The following LRGUK variants were observed in gnomAD, a reference collection of about 807,000 sequenced individuals.
LRGUK encodes the protein leucine rich repeats and guanylate kinase domain containing.
Under a neutral mutation model 76.0 loss-of-function variants are expected in LRGUK, and 65 were observed. The observed-to-expected ratio is 0.85, with a 90% CI of 0.70 to 1.05. The LOEUF (loss-of-function observed/expected upper bound fraction) is 1.05, where lower values mean the gene tolerates loss of function less well. Among genes scored for constraint, LRGUK ranks in the 50% least tolerant of loss-of-function variants. The pLI is 0.00. For synonymous variants in LRGUK, 268 were observed against 265.6 expected (o/e 1.01, Z -0.09); for missense variants, 758 against 732.8 (o/e 1.03, Z -0.40).
At chr7:134,204,098 G>A (rs1800902813) in intron 15 of LRGUK, among the ~76,000 whole-genome samples, 1 of 151,648 alleles carries the variant, frequency 6.6e-6, no homozygotes, top group African/African-American at 2.4e-5. Context: ...CCCTGAGCCT[G>A]ACCAGCTCTG....
At chr7:134,193,405 G>A (rs1321707215) in intron 12 of LRGUK, among the ~76,000 whole-genome samples, 1 of 151,962 alleles carries the variant, frequency 6.6e-6, no homozygotes, top group Non-Finnish European at 1.5e-5. Flanking sequence ...TTTTTCTCAC[G>A]TCAGTTCATC....
chr7:134,186,932 C>G (rs1800001094), intron 11 of LRGUK, among the ~76,000 whole-genome samples: 1 of 152,166 alleles, frequency 6.6e-6, no homozygotes, highest in Non-Finnish European at 1.5e-5. Flanking sequence ...TAACTGCCCC[C>G]CTCCCAACTA....
chr7:134,247,690 T>A (rs1802341930), intron 17 of LRGUK, 46 bp downstream of exon 17: 6 of 1,359,130 alleles, frequency 4.4e-6, no homozygotes, highest in Non-Finnish European at 6.3e-6. Context: ...TTCCTAGTGT[T>A]CAAATAGATC....
chr7:134,172,798 A>G (rs1799312284), intron 7 of LRGUK, among the ~76,000 whole-genome samples: 1 of 152,058 alleles, frequency 6.6e-6, no homozygotes, highest in Admixed American at 6.6e-5. Flanking sequence ...CCTGAGCAAC[A>G]TGGCAAAACC....
At chr7:134,253,350 T>C (rs920593002) in intron 18 of LRGUK, among the ~76,000 whole-genome samples, 3 of 152,300 alleles carry the variant, frequency 2.0e-5, no homozygotes, top group African/African-American at 7.2e-5. Flanking sequence ...TTTTATTAGC[T>C]GTTGTTAATG....
At chr7:134,179,465 C>T (rs1433243101) in intron 10 of LRGUK, among the ~76,000 whole-genome samples, 1 of 151,942 alleles carries the variant, frequency 6.6e-6, no homozygotes, top group African/African-American at 2.4e-5. Context: ...TATTTTGCAA[C>T]CCAGGACATG....
intron 16 of LRGUK, among the ~76,000 whole-genome samples, chr7:134,237,293 C>T (rs753357698): frequency 7.2e-5 from 11 of 152,036 alleles, no homozygotes; most frequent in South Asian, 2.1e-4. Context: ...GACCTTGCGA[C>T]GCGCCTGCCT....
intron 15 of LRGUK, among the ~76,000 whole-genome samples, chr7:134,203,706 G>A (rs1800883100): frequency 6.6e-6 from 1 of 152,194 alleles, no homozygotes; most frequent in African/African-American, 2.4e-5. Flanking sequence ...AGTCTACAAA[G>A]TGGGGATTGG....
chr7:134,251,109 C>A (rs903033431), intron 18 of LRGUK, among the ~76,000 whole-genome samples: 11 of 152,084 alleles, frequency 7.2e-5, no homozygotes, highest in African/African-American at 2.7e-4. Flanking sequence ...GTCCCCCATT[C>A]CCCCAATTTC....
At position 134,210,042 on chromosome 7, in the gene LRGUK, C is replaced by T. The variant is rs1313954378; in HGVS notation, c.3179C>T (p.Ser1060Leu). ...AGGAAGATTCCAGACATGCGGGCCT[C>T]ACCCCACAACCAGGGGCCACTTCAG... The change falls in exon 16 of 16, where the codon TCA becomes TTA. Residue 1060 changes from serine (S) to leucine (L), a missense_variant. Transcript: ENST00000645682. 15 of 399,716 alleles carry T rather than the reference C, an allele frequency of 3.8e-5. No homozygotes were observed. In the Middle Eastern group the frequency reaches 2.5e-3, roughly 66 times the overall value. The allele number at this position is 399,716 out of a possible 1,614,324, so 24.8% of individuals were successfully genotyped here. A position where few individuals can be genotyped will look rare whatever the true frequency, so the allele number is the denominator to read the frequency against.
intron 4 of LRGUK, among the ~76,000 whole-genome samples, chr7:134,145,595 C>A (rs1188125340): frequency 6.6e-6 from 1 of 152,162 alleles, no homozygotes; most frequent in Non-Finnish European, 1.5e-5. Context: ...AGCTGTGGGG[C>A]TGTCCTGATA....
At chr7:134,180,290 G>GTCCA (rs3030440) in intron 10 of LRGUK, among the ~76,000 whole-genome samples, 5 of 149,786 alleles carry the variant, frequency 3.3e-5, no homozygotes, top group African/African-American at 9.9e-5. Context: ...CAATTCCTCT[G>GTCCA]TCCATCCATC....
At chr7:134,221,409 A>G (rs886681095) in intron 15 of LRGUK, among the ~76,000 whole-genome samples, 14 of 152,180 alleles carry the variant, frequency 9.2e-5, no homozygotes, top group Non-Finnish European at 2.1e-4. Flanking sequence ...AGCATTGCAT[A>G]GTTTATTTTC....
downstream of LRGUK, among the ~76,000 whole-genome samples, chr7:134,269,220 C>G (rs183399411): frequency 6.6e-6 from 1 of 151,964 alleles, no homozygotes; most frequent in African/African-American, 2.4e-5. Flanking sequence ...TGTAGATCCA[C>G]GGATTATTTA....
the LRGUK span, among the ~76,000 whole-genome samples, chr7:134,274,956 G>T: frequency 6.6e-6 from 1 of 151,944 alleles, no homozygotes; most frequent in South Asian, 2.1e-4. Context: ...ACTAAGTTCA[G>T]TCCTATTTCT....
intron 1 of LRGUK, among the ~76,000 whole-genome samples, chr7:134,129,084 TCCTTCCTTCCTC>T (rs1043233001): frequency 2.0e-5 from 3 of 147,058 alleles, no homozygotes; most frequent in Admixed American, 6.7e-5. Context: ...TCTTTCTCCT[TCCTTCCTTCCTC>T]CCTTCCTTCC....
chr7:134,247,980 T>A (rs1335132650), intron 17 of LRGUK, among the ~76,000 whole-genome samples: 1 of 152,240 alleles, frequency 6.6e-6, no homozygotes, highest in Non-Finnish European at 1.5e-5. Context: ...CGGTTCTTTT[T>A]ATTGTTTGTA....
chr7:134,250,909 G>A (rs911622448), intron 18 of LRGUK, among the ~76,000 whole-genome samples: 3 of 152,180 alleles, frequency 2.0e-5, no homozygotes, highest in African/African-American at 7.2e-5. Context: ...CACTTCACCC[G>A]TGGTCATGCA....
chr7:134,205,087 C>T (rs922084733), intron 15 of LRGUK, among the ~76,000 whole-genome samples: 58 of 152,284 alleles, frequency 3.8e-4, no homozygotes, highest in Admixed American at 2.9e-3. Flanking sequence ...AGTGGGTTGC[C>T]GCTGCTGGCG....
Sources: gnomAD v4.1 joint callset for allele counts (sites outside exome capture counted in the v4.1 genomes callset) on GRCh38, gnomAD v4.1.1 for gene constraint, MANE v1.5 for transcripts, NCBI Gene and HGNC (gene_info 2026-07-23, HGNC 2026-07-21) for gene names.